The following RABEPK variants were observed in gnomAD, a reference collection of about 807,000 sequenced individuals.
The protein encoded by RABEPK is 40 kDa Rab9 effector protein.
A neutral mutation model predicts 34.1 loss-of-function variants in RABEPK; 27 were observed. That is an observed-to-expected ratio of 0.79 (90% CI 0.58 to 1.09). The LOEUF (loss-of-function observed/expected upper bound fraction) is 1.09. Ranked by LOEUF, RABEPK falls within the 50% of genes least tolerant of loss-of-function variation. RABEPK has a pLI of 0.00. For missense variants in RABEPK, 449 were observed against 462.6 expected (o/e 0.97, Z 0.27); for synonymous variants, 172 against 169.2 (o/e 1.02, Z -0.13).
intron 4 of RABEPK, among the ~76,000 whole-genome samples, chr9:125,216,492 T>G (rs1830934826): frequency 6.6e-6 from 1 of 152,182 alleles, no homozygotes; most frequent in Admixed American, 6.6e-5. Context: ...ATGTCAAGTA[T>G]TTAAATTCCT....
At chr9:125,203,659 T>C (rs1171841048) in intron 2 of RABEPK, among the ~76,000 whole-genome samples, 1 of 152,192 alleles carries the variant, frequency 6.6e-6, no homozygotes, top group East Asian at 1.9e-4. Context: ...TCTGTCTTGC[T>C]CTGTACCCAG....
In RABEPK at chr9:125,232,568, C is replaced by T. The variant is rs376192822; in HGVS notation, c.677-28C>T. On this transcript the variant is annotated intron_variant, in intron 6 of 7. Coordinates refer to ENST00000373538, the MANE Select transcript of RABEPK (RefSeq NM_005833.4). ...TGAAAGCACATCTTAGCCCATGCTG[C>T]GCCAAAGCTCTTTCTTTCTCTTGGC... 8.2e-5 allele frequency: 131 copies of T among 1,599,512 alleles called. 1 individual carries two copies. The highest frequency in any genetic ancestry group is 8.1e-4 in the African/African-American group (60 of 74,526).
At chr9:125,213,130 G>A (rs1830692754) in intron 3 of RABEPK, among the ~76,000 whole-genome samples, 1 of 152,116 alleles carries the variant, frequency 6.6e-6, no homozygotes, top group Non-Finnish European at 1.5e-5. Flanking sequence ...ATGTCATCTG[G>A]GATCTATCCT....
At chr9:125,220,333 A>C (rs1831234839) in intron 4 of RABEPK, 3 of 1,443,068 alleles carry the variant, frequency 2.1e-6, no homozygotes, top group Admixed American at 5.7e-5. Flanking sequence ...ACAGCTTTTA[A>C]ATCTTGGGGA....
chr9:125,202,022 C>G (rs3121918), intron 1 of RABEPK, among the ~76,000 whole-genome samples: 2 of 150,326 alleles, frequency 1.3e-5, no homozygotes, highest in African/African-American at 4.9e-5. Context: ...ACCAGCCTGG[C>G]GAACATAGTG....
chr9:125,219,306 C>G (rs1195865032), intron 4 of RABEPK, among the ~76,000 whole-genome samples: 1 of 151,008 alleles, frequency 6.6e-6, no homozygotes, highest in Non-Finnish European at 1.5e-5. Flanking sequence ...AAGCAATCCT[C>G]CTGCCTTGGC....
chr9:125,210,504 G>A (rs1039242831), intron 3 of RABEPK, among the ~76,000 whole-genome samples: 64 of 151,016 alleles, frequency 4.2e-4, no homozygotes, highest in Non-Finnish European at 6.9e-4. Flanking sequence ...CAAATCACAA[G>A]GTCAGGAGAT....
chr9:125,223,387 T>C (rs939288650), intron 5 of RABEPK, among the ~76,000 whole-genome samples: 2 of 151,856 alleles, frequency 1.3e-5, no homozygotes, highest in African/African-American at 2.4e-5. Flanking sequence ...ACCTGGGAGG[T>C]GGAGGTAGCA....
In RABEPK at chr9:125,213,072, C is replaced by A. The variant is rs1440440294; in HGVS notation, c.212-298C>A. 5.9e-5 allele frequency among the ~76,000 whole-genome samples: 9 copies of A among 152,258 alleles called. No homozygotes were observed. The East Asian group carries it at 1.7e-3, about 29-fold the overall frequency. On this transcript the variant is annotated intron_variant, in intron 3 of 7. Coordinates refer to ENST00000373538, the MANE Select transcript of RABEPK (RefSeq NM_005833.4). ...TGGCTCATTCTGGTTTCATTGGCTA[C>A]CTTCAACCCAATCAGCTAAAGCTAC...
Position 125,207,696 on chromosome 9 carries a change from C to G in RABEPK, c.186C>G (p.Phe62Leu). The G allele has an allele frequency of 2.5e-6, 4 of 1,614,132 alleles. No individual in the cohort carries two copies. Among genetic ancestry groups the G allele is most frequent in the Non-Finnish European group, 3.4e-6 (4 of 1,180,014 alleles). ...IVGGANPNRS[F>L]SDVHTMDLGK... is the part of the protein sequence containing the mutation. ...GGGGAGCAAATCCAAACAGAAGCTTCTCAGACGTGCACACCATGGATCTGG... is the reference window on the plus strand; with the variant it reads ...GGGGAGCAAATCCAAACAGAAGCTTGTCAGACGTGCACACCATGGATCTGG... Residue 62 changes from phenylalanine (F) to leucine (L), a missense_variant, in exon 3 of 8, where the codon TTC (phenylalanine) becomes TTG (leucine). Coordinates refer to ENST00000373538, the MANE Select transcript of RABEPK (RefSeq NM_005833.4).
At chr9:125,209,496 C>A (rs1457312176) in intron 3 of RABEPK, among the ~76,000 whole-genome samples, 1 of 151,964 alleles carries the variant, frequency 6.6e-6, no homozygotes, top group Non-Finnish European at 1.5e-5. Flanking sequence ...ATTACAGGCG[C>A]GTGCCACCAG....
chr9:125,233,194 A>G (rs1832331598), intron 7 of RABEPK, among the ~76,000 whole-genome samples: 1 of 152,100 alleles, frequency 6.6e-6, no homozygotes, highest in Non-Finnish European at 1.5e-5. Flanking sequence ...GAAAGCAGCA[A>G]TGCTGCCATA....
At chr9:125,210,379 GGGT>G (rs1283215208) in intron 3 of RABEPK, among the ~76,000 whole-genome samples, 2 of 143,622 alleles carry the variant, frequency 1.4e-5, no homozygotes, top group African/African-American at 2.6e-5. Context: ...ACTCCAGCCT[GGGT>G]GACAGAGCAA....
intron 4 of RABEPK, chr9:125,220,308 T>C: frequency 7.0e-7 from 1 of 1,425,718 alleles, no homozygotes; most frequent in Non-Finnish European, 9.2e-7. Context: ...CCAGCCTGAC[T>C]CCATTCTTGT....
At chr9:125,219,828 G>A (rs983038442) in intron 4 of RABEPK, among the ~76,000 whole-genome samples, 1 of 151,996 alleles carries the variant, frequency 6.6e-6, no homozygotes, top group Non-Finnish European at 1.5e-5. Context: ...TGCTGCACAT[G>A]GCCTGCCTAC....
At chr9:125,210,706 CAAAAAAAA>C (rs35140834) in intron 3 of RABEPK, among the ~76,000 whole-genome samples, 2 of 83,262 alleles carry the variant, frequency 2.4e-5, no homozygotes, top group Non-Finnish European at 4.6e-5. Flanking sequence ...GACTCCGTCT[CAAAAAAAA>C]AAAAAAAAGA....
chr9:125,224,264 G>T (rs1268690335), intron 5 of RABEPK, among the ~76,000 whole-genome samples: 1 of 151,484 alleles, frequency 6.6e-6, no homozygotes, highest in African/African-American at 2.4e-5. Flanking sequence ...GACTTTTCTG[G>T]TATATAGAAA....
At chr9:125,225,537 T>C (rs1327663929) in intron 5 of RABEPK, among the ~76,000 whole-genome samples, 5 of 149,720 alleles carry the variant, frequency 3.3e-5, no homozygotes, top group Non-Finnish European at 4.4e-5. Context: ...TATGAAAAAA[T>C]TTAGGATGGG....
At chr9:125,203,188 T>C in intron 2 of RABEPK, 122 bp downstream of exon 2, 1 of 755,044 alleles carries the variant, frequency 1.3e-6, no homozygotes. Flanking sequence ...CAGTTTCTGG[T>C]AATTAGACTC....
Sources: gnomAD v4.1 joint callset for allele counts (sites outside exome capture counted in the v4.1 genomes callset) on GRCh38, gnomAD v4.1.1 for gene constraint, MANE v1.5 for transcripts, NCBI Gene and HGNC (gene_info 2026-07-23, HGNC 2026-07-21) for gene names.